The following NFILZ variants were observed in gnomAD, a reference collection of about 807,000 sequenced individuals.
NFILZ encodes the protein NFIL3 like protein.
intron 3 of NFILZ, among the ~76,000 whole-genome samples, chr19:8,647,373 A>G (rs1197641613): frequency 6.6e-6 from 1 of 152,038 alleles, no homozygotes; most frequent in East Asian, 1.9e-4. Flanking sequence ...GGGGTTTAAG[A>G]CTAGCCTAGC....
intron 3 of NFILZ, among the ~76,000 whole-genome samples, chr19:8,659,457 C>A (rs1274308618): frequency 1.3e-5 from 2 of 151,636 alleles, no homozygotes; most frequent in Non-Finnish European, 2.9e-5. Flanking sequence ...GGCACTGGAG[C>A]TGCAGGTGCC....
intron 2 of NFILZ, among the ~76,000 whole-genome samples, chr19:8,633,877 C>CCCTCCCTT (rs2042881467): frequency 2.4e-5 from 2 of 84,520 alleles, no homozygotes; most frequent in Admixed American, 2.3e-4. Flanking sequence ...TAACTTTTCT[C>CCCTCCCTT]CCTTCCTTCC....
Position 8,652,976 on chromosome 19 carries a change from C to CT in NFILZ, c.-164+17232dup, listed in dbSNP as rs1442678945. On this transcript the variant is annotated intron_variant, in intron 3 of 5. Transcript: ENST00000691075. ...TTTCTTTCCCTTCCTTCCCTCCTTC[C>CT]TTCCTTCCTTCCTTCCTTCCTTCCT... Among the ~76,000 whole-genome samples, 107 of 96,134 alleles carry CT rather than the reference C, an allele frequency of 1.1e-3. 1 individual carries two copies. The highest frequency in any genetic ancestry group is 7.5e-3 in the East Asian group (20 of 2,656). The allele number at this position is 96,134 out of a possible 152,430, so 63.1% of individuals were successfully genotyped here.
chr19:8,638,256 G>A (rs181167731), intron 3 of NFILZ, among the ~76,000 whole-genome samples: 21 of 152,312 alleles, frequency 1.4e-4, no homozygotes, highest in Non-Finnish European at 2.6e-4. Context: ...CTAGAAGTGC[G>A]CACACTTATC....
At chr19:8,636,054 G>A (rs983992399) in intron 3 of NFILZ, among the ~76,000 whole-genome samples, 1 of 152,058 alleles carries the variant, frequency 6.6e-6, no homozygotes, top group Admixed American at 6.5e-5. Context: ...CCAGGCTGGT[G>A]TTGAACTCCT....
intron 3 of NFILZ, among the ~76,000 whole-genome samples, chr19:8,655,437 C>T (rs2042987777): frequency 6.6e-6 from 1 of 152,154 alleles, no homozygotes; most frequent in Admixed American, 6.5e-5. Flanking sequence ...TGAGTCTGGG[C>T]CATCCCACAG....
intron 3 of NFILZ, among the ~76,000 whole-genome samples, chr19:8,667,286 C>T (rs1600153614): frequency 6.6e-6 from 1 of 152,202 alleles, no homozygotes; most frequent in Admixed American, 6.5e-5. Context: ...ATTCTAAGCT[C>T]CAAGCTCTAG....
chr19:8,666,175 C>G (rs2043061145), intron 3 of NFILZ, among the ~76,000 whole-genome samples: 1 of 152,010 alleles, frequency 6.6e-6, no homozygotes, highest in African/African-American at 2.4e-5. Context: ...CAGGAAGACT[C>G]CCCAAGTCTT....
chr19:8,677,874 T>C lies in NFILZ; in HGVS notation c.*239T>C, dbSNP rs2043118454. 6.6e-6 allele frequency among the ~76,000 whole-genome samples: 1 copy of C among 152,046 alleles called. No individual in the cohort carries two copies. The highest frequency in any genetic ancestry group is 2.4e-5 in the African/African-American group (1 of 41,388). Reference sequence around the variant, plus strand: ...TCTTGCCTTGCCTTAAAATCTATGCTTTGGGTTGTCACTTTTCCCTCTTCC... The same window carrying C: ...TCTTGCCTTGCCTTAAAATCTATGCCTTGGGTTGTCACTTTTCCCTCTTCC... On this transcript the variant is annotated 3_prime_UTR_variant, in exon 6 of 6. Transcript: ENST00000691075.
rs782482452 is a variant in NFILZ at position 8,656,320 on chromosome 19, C to T, written c.-163-18231C>T. Among the ~76,000 whole-genome samples, 656 of 85,422 alleles carry T rather than the reference C, an allele frequency of 7.7e-3. 20 individuals carry two copies. Among genetic ancestry groups the T allele is most frequent in the Admixed American group, 0.014 (116 of 8,298 alleles). The allele number at this position is 85,422 out of a possible 152,430, so 56.0% of individuals were successfully genotyped here. ...ACCTCCTCCCGCAGCGCACCTCCTC[C>T]CTGAAGCCCCCTTCTTCCTGAAGCC... On this transcript the variant is annotated intron_variant, in intron 3 of 5. Transcript: ENST00000691075.
chr19:8,635,242 G>A (rs991756176), intron 2 of NFILZ, among the ~76,000 whole-genome samples: 2 of 150,518 alleles, frequency 1.3e-5, no homozygotes, highest in Non-Finnish European at 3.0e-5. Context: ...CCTGGGAGGC[G>A]GAGGTTGCAG....
At chr19:8,667,752 G>A (rs1007029211) in intron 3 of NFILZ, among the ~76,000 whole-genome samples, 19 of 151,740 alleles carry the variant, frequency 1.3e-4, no homozygotes, top group Admixed American at 1.1e-3. Flanking sequence ...CACCATGTTG[G>A]CCAGTCTGGT....
intron 3 of NFILZ, among the ~76,000 whole-genome samples, chr19:8,672,570 C>T (rs1188633425): frequency 7.0e-6 from 1 of 143,780 alleles, no homozygotes; most frequent in Non-Finnish European, 1.5e-5. Flanking sequence ...TAGTTCATTC[C>T]AAAAAATATT....
At chr19:8,642,486 G>A (rs1418882088) in intron 3 of NFILZ, among the ~76,000 whole-genome samples, 1 of 152,076 alleles carries the variant, frequency 6.6e-6, no homozygotes, top group African/African-American at 2.4e-5. Flanking sequence ...ACTTGGTTGA[G>A]TTTAGCCAGG....
At chr19:8,650,573 G>C (rs1276493806) in intron 3 of NFILZ, among the ~76,000 whole-genome samples, 1 of 150,796 alleles carries the variant, frequency 6.6e-6, no homozygotes, top group Non-Finnish European at 1.5e-5. Flanking sequence ...ATAATTGCTT[G>C]AACATGGGAG....
chr19:8,659,910 T>TG (rs1282913229), intron 3 of NFILZ, among the ~76,000 whole-genome samples: 4 of 150,760 alleles, frequency 2.7e-5, no homozygotes, highest in Non-Finnish European at 5.9e-5. Flanking sequence ...TCTAGGGTGG[T>TG]GGGGGGAGGG....
intron 3 of NFILZ, among the ~76,000 whole-genome samples, chr19:8,663,814 G>A (rs1555749480): frequency 7.0e-6 from 1 of 143,222 alleles, no homozygotes; most frequent in East Asian, 2.0e-4. Flanking sequence ...TGGCCTGAGT[G>A]GGGTCCAGCC....
At chr19:8,663,211 G>A (rs1300545301) in intron 3 of NFILZ, among the ~76,000 whole-genome samples, 1 of 148,494 alleles carries the variant, frequency 6.7e-6, no homozygotes, top group African/African-American at 2.5e-5. Flanking sequence ...CTCTAGTCTT[G>A]GCCTCCCAAG....
chr19:8,663,734 G>GTGTATGTGTGTGTGTGTGTA (rs1390216602), intron 3 of NFILZ, among the ~76,000 whole-genome samples: 26 of 110,646 alleles, frequency 2.3e-4, no homozygotes, highest in African/African-American at 5.0e-4. Context: ...GTGTGTGTGT[G>GTGTATGTGTGTGTGTGTGTA]TGTGTGTGTG....
Sources: gnomAD v4.1 joint callset for allele counts (sites outside exome capture counted in the v4.1 genomes callset) on GRCh38, gnomAD v4.1.1 for gene constraint, MANE v1.5 for transcripts, NCBI Gene and HGNC (gene_info 2026-07-23, HGNC 2026-07-21) for gene names.